The following FMNL2 variants were observed in gnomAD, a reference collection of about 807,000 sequenced individuals.
FMNL2 encodes the protein formin like 2.
In FMNL2, 51 loss-of-function variants were observed where a neutral mutation model predicts 130.2. That is an observed-to-expected ratio of 0.39 (90% confidence interval 0.31 to 0.49). The LOEUF is 0.49. Among genes scored for constraint, FMNL2 ranks in the 20% least tolerant of loss-of-function variants. The pLI is 0.85. For synonymous variants in FMNL2, 465 were observed against 467.1 expected, an observed-to-expected ratio of 1.00 and a Z score of 0.06; for missense variants, 977 against 1,316.2, an observed-to-expected ratio of 0.74 and a Z score of 3.99.
At chr2:152,529,024 A>G (rs1693552093) in intron 2 of FMNL2, among the ~76,000 whole-genome samples, 2 of 152,202 alleles carry the variant, frequency 1.3e-5, no homozygotes, top group Admixed American at 6.5e-5. Flanking sequence ...AGAAACGGAG[A>G]CTAGCTGAGC....
intron 1 of FMNL2, among the ~76,000 whole-genome samples, chr2:152,466,700 G>A (rs1252116652): frequency 2.0e-5 from 3 of 152,180 alleles, no homozygotes; most frequent in African/African-American, 7.2e-5. Flanking sequence ...TTAAGGAGCA[G>A]GGGGAGAAGA....
Position 152,628,544 on chromosome 2 carries a change from T to A in FMNL2, c.2400+11T>A, listed in dbSNP as rs1210329858. The A allele has an allele frequency of 1.2e-6, 2 of 1,607,026 alleles. No homozygotes were observed. Among genetic ancestry groups the A allele is most frequent in the South Asian group, 2.2e-5 (2 of 90,952 alleles). On this transcript the variant is annotated intron_variant, in intron 18 of 25. Transcript: ENST00000288670. ...CAGATGCTGACTCCTGTGAGTGGAC[T>A]GACTCTGGCAGGGGAGGGGGTCCAA...
chr2:152,451,179 C>T (rs763608747), intron 1 of FMNL2, among the ~76,000 whole-genome samples: 2 of 151,978 alleles, frequency 1.3e-5, no homozygotes, highest in East Asian at 1.9e-4. Context: ...GATGGAGTCT[C>T]GCTCTGTTGC....
At chr2:152,487,501 G>A (rs1690896083) in intron 1 of FMNL2, among the ~76,000 whole-genome samples, 1 of 152,136 alleles carries the variant, frequency 6.6e-6, no homozygotes, top group Admixed American at 6.5e-5. Context: ...AATGATATCG[G>A]CGAAAACTAA....
intron 1 of FMNL2, among the ~76,000 whole-genome samples, chr2:152,465,092 A>G (rs1421375976): frequency 6.6e-6 from 1 of 152,242 alleles, no homozygotes; most frequent in Non-Finnish European, 1.5e-5. Flanking sequence ...AACAAGAAAC[A>G]AGTGCGATCT....
chr2:152,578,553 G>A (rs10497107), intron 7 of FMNL2: 25,447 of 172,288 alleles, frequency 0.15, 2,468 homozygotes, highest in African/African-American at 0.26. Flanking sequence ...GTAAAGAATG[G>A]GAAGATAATC....
intron 1 of FMNL2, among the ~76,000 whole-genome samples, chr2:152,476,815 A>T (rs1690175851): frequency 6.6e-6 from 1 of 152,196 alleles, no homozygotes; most frequent in East Asian, 1.9e-4. Context: ...AAATATTAAT[A>T]ATTATTATAC....
rs950806817 is a variant in FMNL2 at position 152,496,167 on chromosome 2, C to T, written c.118-25776C>T. Reference sequence around the variant, plus strand: ...TCCTGCTGATGCCCTTTTCTGGGTCCGGGATCTAGGGCCGGTTCCTACATT... The same window carrying T: ...TCCTGCTGATGCCCTTTTCTGGGTCTGGGATCTAGGGCCGGTTCCTACATT... On this transcript the variant is annotated intron_variant, in intron 1 of 25. Coordinates refer to ENST00000288670, the MANE Select transcript of FMNL2 (RefSeq NM_052905.4). Among the ~76,000 whole-genome samples the T allele has an allele frequency of 3.9e-5, 6 of 152,126 alleles. No homozygotes were observed. The East Asian group carries it at 5.8e-4, about 15-fold the overall frequency.
At chr2:152,339,389 G>A (rs1465587558) in intron 1 of FMNL2, among the ~76,000 whole-genome samples, 1 of 152,082 alleles carries the variant, frequency 6.6e-6, no homozygotes, top group Non-Finnish European at 1.5e-5. Context: ...GGGTGGATGT[G>A]GTGAACAACT....
At chr2:152,564,776 G>GTTTTTTTTTTTTTTTTT (rs56378937) in intron 6 of FMNL2, among the ~76,000 whole-genome samples, 2 of 79,324 alleles carry the variant, frequency 2.5e-5, no homozygotes, top group African/African-American at 9.5e-5. Context: ...TACAAGGTTG[G>GTTTTTTTTTTTTTTTTT]TTTTTTTTTT....
chr2:152,495,844 T>A (rs949612203), intron 1 of FMNL2, among the ~76,000 whole-genome samples: 1 of 152,002 alleles, frequency 6.6e-6, no homozygotes, highest in Admixed American at 6.6e-5. Flanking sequence ...GCTGTTCTGA[T>A]TCTACGTTAG....
At chr2:152,345,978 C>T (rs768910119) in intron 1 of FMNL2, among the ~76,000 whole-genome samples, 2 of 152,086 alleles carry the variant, frequency 1.3e-5, no homozygotes, top group African/African-American at 4.8e-5. Flanking sequence ...GGTCTCATTT[C>T]TCATTTAATT....
chr2:152,542,195 T>C (rs77136812), intron 2 of FMNL2, among the ~76,000 whole-genome samples: 6,563 of 152,290 alleles, frequency 0.043, 290 homozygotes, highest in East Asian at 0.22. Flanking sequence ...TGTGTACCCA[T>C]GCAAACATAA....
intron 1 of FMNL2, among the ~76,000 whole-genome samples, chr2:152,456,626 A>T (rs1390622151): frequency 6.6e-6 from 1 of 152,128 alleles, no homozygotes; most frequent in African/African-American, 2.4e-5. Context: ...CTTTGTTACA[A>T]TATGGAGAGA....
At chr2:152,618,768 T>A (rs778741204) in intron 13 of FMNL2, 78 bp from the exon 14 acceptor site, 8 of 1,277,998 alleles carry the variant, frequency 6.3e-6, no homozygotes, top group Non-Finnish European at 8.6e-6. Context: ...TTTCTCTTTA[T>A]CCTCAGTTTG....
At chr2:152,494,742 G>A (rs1691405881) in intron 1 of FMNL2, among the ~76,000 whole-genome samples, 2 of 152,164 alleles carry the variant, frequency 1.3e-5, no homozygotes, top group African/African-American at 2.4e-5. Context: ...AAAGTTAGAT[G>A]TAGTGGTCCT....
intron 1 of FMNL2, among the ~76,000 whole-genome samples, chr2:152,517,438 C>T (rs1489286822): frequency 6.6e-6 from 1 of 152,124 alleles, no homozygotes; most frequent in African/African-American, 2.4e-5. Flanking sequence ...TCTTGAAGCA[C>T]TCAGTCCAGT....
chr2:152,502,503 A>G (rs1691902635), intron 1 of FMNL2, among the ~76,000 whole-genome samples: 1 of 152,230 alleles, frequency 6.6e-6, no homozygotes, highest in South Asian at 2.1e-4. Flanking sequence ...CCTGGCCAAA[A>G]TGGTGAAACC....
chr2:152,343,849 C>T (rs934008313), intron 1 of FMNL2, among the ~76,000 whole-genome samples: 40 of 150,486 alleles, frequency 2.7e-4, no homozygotes, highest in African/African-American at 7.3e-4. Flanking sequence ...CATCACTTGG[C>T]GATCCTCAGA....
Sources: allele counts gnomAD v4.1 joint callset (sites outside exome capture counted in the v4.1 genomes callset), GRCh38; gene constraint gnomAD v4.1.1; transcripts MANE v1.5; gene names NCBI Gene and HGNC (gene_info 2026-07-23, HGNC 2026-07-21).